TNFSF4: variants seen among roughly 807,000 people sequenced by gnomAD.
TNFSF4 encodes TNF superfamily member 4, also known as tumor necrosis factor ligand superfamily member 4.
A neutral mutation model predicts 7.3 loss-of-function variants in TNFSF4; 4 were observed. The ratio of observed to expected loss-of-function variants is 0.55; its 90% CI spans 0.27 to 1.25. The LOEUF (loss-of-function observed/expected upper bound fraction) is 1.25, where lower values mean the gene tolerates loss of function less well. Ranked by LOEUF, TNFSF4 falls within the 50% of genes most tolerant of loss-of-function variation. The probability of loss-of-function intolerance (pLI) is 0.12; values close to 1 mark genes in which losing one functional copy is unlikely to be tolerated. For missense variants in TNFSF4, 181 were observed against 208.8 expected, an observed-to-expected ratio of 0.87 and a Z score of 0.82; for synonymous variants, 76 against 83.7, an observed-to-expected ratio of 0.91 and a Z score of 0.50.
the TNFSF4 span, among the ~76,000 whole-genome samples, chr1:173,449,063 A>C: frequency 1.3e-5 from 2 of 152,096 alleles, no homozygotes; most frequent in African/African-American, 4.8e-5. Flanking sequence ...TTTTTCATGA[A>C]TCGCTTAGCA....
the TNFSF4 span, among the ~76,000 whole-genome samples, chr1:173,266,392 G>T: frequency 6.6e-6 from 1 of 152,164 alleles, no homozygotes; most frequent in Non-Finnish European, 1.5e-5. Context: ...CCCACCAAGT[G>T]AGAGTCCTGG....
the TNFSF4 span, among the ~76,000 whole-genome samples, chr1:173,427,339 G>A: frequency 6.6e-6 from 1 of 152,100 alleles, no homozygotes; most frequent in Admixed American, 6.5e-5. Context: ...TCACAACTGG[G>A]GAGTGGCTGC....
chr1:173,320,756 G>C, the TNFSF4 span, among the ~76,000 whole-genome samples: 2 of 152,022 alleles, frequency 1.3e-5, no homozygotes, highest in Non-Finnish European at 2.9e-5. Flanking sequence ...AAATACACAG[G>C]AATACAATTA....
the TNFSF4 span, among the ~76,000 whole-genome samples, chr1:173,283,235 T>G: frequency 6.6e-6 from 1 of 152,112 alleles, no homozygotes; most frequent in African/African-American, 2.4e-5. Flanking sequence ...CCTTTGAATG[T>G]ATATTTCCGG....
rs1216839786 is a variant in TNFSF4 at position 173,184,934 on chromosome 1, T to C, written c.*1582A>G. 6.6e-6 allele frequency: 1 copy of C among 152,230 alleles called. No homozygotes were observed. The highest frequency in any genetic ancestry group is 2.4e-5 in the African/African-American group (1 of 41,458). 9.4% of individuals were successfully genotyped at this position (152,230 alleles called of 1,614,324 possible). A position where few individuals can be genotyped will look rare whatever the true frequency, so the allele number is the denominator to read the frequency against. On this transcript the variant is annotated 3_prime_UTR_variant, in exon 3 of 3. Coordinates refer to ENST00000281834, the MANE Select transcript of TNFSF4 (RefSeq NM_003326.5). Reference sequence around the variant, plus strand: ...TACCTACAATTTCTTCTATTTAGCATTTTTATTTACCTTCCTTCATAACAG... The same window carrying C: ...TACCTACAATTTCTTCTATTTAGCACTTTTATTTACCTTCCTTCATAACAG...
chr1:173,271,320 T>C, the TNFSF4 span, among the ~76,000 whole-genome samples: 1 of 152,154 alleles, frequency 6.6e-6, no homozygotes, highest in East Asian at 1.9e-4. Flanking sequence ...AAAGAATTTT[T>C]GTACAAGGTG....
the TNFSF4 span, among the ~76,000 whole-genome samples, chr1:173,330,364 TTAA>T: frequency 6.6e-6 from 1 of 151,160 alleles, no homozygotes; most frequent in East Asian, 1.9e-4. Flanking sequence ...TAATAAATTA[TTAA>T]TATTAATACT....
the TNFSF4 span, among the ~76,000 whole-genome samples, chr1:173,238,804 G>A: frequency 6.6e-6 from 1 of 152,168 alleles, no homozygotes; most frequent in Non-Finnish European, 1.5e-5. Flanking sequence ...ACTGCTGGTG[G>A]GAGTGTAGAT....
the TNFSF4 span, among the ~76,000 whole-genome samples, chr1:173,437,278 T>C: frequency 6.6e-6 from 1 of 152,254 alleles, no homozygotes; most frequent in East Asian, 1.9e-4. Context: ...GAGTACTGTG[T>C]GTCATTCTTG....
the TNFSF4 span, among the ~76,000 whole-genome samples, chr1:173,426,815 A>C: frequency 6.6e-6 from 1 of 152,074 alleles, no homozygotes; most frequent in Non-Finnish European, 1.5e-5. Context: ...GCTGCTGTCA[A>C]ACTCTTGGGC....
the TNFSF4 span, among the ~76,000 whole-genome samples, chr1:173,395,881 G>C: frequency 6.6e-6 from 1 of 152,042 alleles, no homozygotes; most frequent in Non-Finnish European, 1.5e-5. Flanking sequence ...CCCACCCACA[G>C]TACAAGTGGC....
chr1:173,294,595 AG>A, the TNFSF4 span, among the ~76,000 whole-genome samples: 1 of 152,050 alleles, frequency 6.6e-6, no homozygotes, highest in African/African-American at 2.4e-5. Context: ...CTAAAATAAA[AG>A]TTTTTTAAAA....
At chr1:173,295,127 A>C in the TNFSF4 span, among the ~76,000 whole-genome samples, 1 of 152,022 alleles carries the variant, frequency 6.6e-6, no homozygotes, top group African/African-American at 2.4e-5. Flanking sequence ...CAACTCTCAT[A>C]CACTGCTGGT....
chr1:173,449,353 T>C, the TNFSF4 span, among the ~76,000 whole-genome samples: 15 of 151,866 alleles, frequency 9.9e-5, no homozygotes, highest in Non-Finnish European at 2.1e-4. Flanking sequence ...TTCTTTCTTT[T>C]TTTTTTTTTC....
chr1:173,374,614 A>G, the TNFSF4 span, among the ~76,000 whole-genome samples: 1 of 152,218 alleles, frequency 6.6e-6, no homozygotes, highest in South Asian at 2.1e-4. Flanking sequence ...GATTCTGAGG[A>G]AAAACCCCTT....
At chr1:173,250,573 C>G in the TNFSF4 span, among the ~76,000 whole-genome samples, 1 of 151,966 alleles carries the variant, frequency 6.6e-6, no homozygotes, top group East Asian at 1.9e-4. Context: ...CATTCTCCTG[C>G]CTCAGCCTCC....
downstream of TNFSF4, among the ~76,000 whole-genome samples, chr1:173,182,441 T>G (rs566317532): frequency 6.6e-6 from 1 of 152,284 alleles, no homozygotes; most frequent in East Asian, 1.9e-4. Flanking sequence ...AAGTGTGGTC[T>G]TGGGTGTTAA....
At chr1:173,384,891 T>A in the TNFSF4 span, among the ~76,000 whole-genome samples, 10 of 152,356 alleles carry the variant, frequency 6.6e-5, no homozygotes, top group Middle Eastern at 0.014. Flanking sequence ...TTATCTCTAC[T>A]CTGTTGCCTT....
At position 173,184,136 on chromosome 1, in the gene TNFSF4, T is replaced by C. The variant is rs926605224; in HGVS notation, c.*2380A>G. On this transcript the variant is annotated 3_prime_UTR_variant, in exon 3 of 3. Coordinates refer to ENST00000281834, the MANE Select transcript of TNFSF4 (RefSeq NM_003326.5). ...ACTGTAAGCATAAGATTCTAAACTG[T>C]TAGATATTTAACATTCCTCTCATTT... 4 of 152,228 alleles carry C rather than the reference T, an allele frequency of 2.6e-5. No individual in the cohort carries two copies. Among genetic ancestry groups the C allele is most frequent in the African/African-American group, 9.6e-5 (4 of 41,458 alleles). 9.4% of individuals were successfully genotyped at this position (152,228 alleles called of 1,614,324 possible).
Sources: allele counts gnomAD v4.1 joint callset (sites outside exome capture counted in the v4.1 genomes callset), GRCh38; gene constraint gnomAD v4.1.1; transcripts MANE v1.5; gene names NCBI Gene and HGNC (gene_info 2026-07-23, HGNC 2026-07-21).